The following PCLO variants were observed in gnomAD, a reference collection of about 807,000 sequenced individuals.
The protein encoded by PCLO is piccolo presynaptic cytomatrix protein.
In PCLO, 82 loss-of-function variants were observed where a neutral mutation model predicts 427.5. The observed-to-expected ratio is 0.19, with a 90% CI of 0.16 to 0.23. The LOEUF is 0.23. Among genes scored for constraint, PCLO ranks in the 10% least tolerant of loss-of-function variants. PCLO has a pLI of 1.00. For synonymous variants in PCLO, 2,357 were observed against 2,155.4 expected (o/e 1.09, Z -2.59); for missense variants, 6,239 against 6,115.9 (o/e 1.02, Z -0.67).
At chr7:82,810,877 T>C (rs17284668) in intron 20 of PCLO, among the ~76,000 whole-genome samples, 73,057 of 151,372 alleles carry the variant, frequency 0.48, 18,467 homozygotes, top group East Asian at 0.85. Flanking sequence ...GAGCACGGAT[T>C]AAATTGTAGA....
At chr7:83,025,964 T>C (rs1788483363) in intron 3 of PCLO, among the ~76,000 whole-genome samples, 3 of 151,670 alleles carry the variant, frequency 2.0e-5, no homozygotes, top group Middle Eastern at 3.4e-3. Flanking sequence ...GCGCTAAACA[T>C]GGAAAGGAAC....
chr7:83,125,519 A>G (rs1791416007), intron 3 of PCLO, among the ~76,000 whole-genome samples: 1 of 152,026 alleles, frequency 6.6e-6, no homozygotes, highest in South Asian at 2.1e-4. Flanking sequence ...GACATAGGAG[A>G]CTCCATTTTG....
intron 4 of PCLO, among the ~76,000 whole-genome samples, chr7:82,965,525 A>C (rs1795747033): frequency 6.6e-6 from 1 of 152,032 alleles, no homozygotes; most frequent in African/African-American, 2.4e-5. Context: ...ATTTTGATAG[A>C]TTATTTGATA....
At chr7:82,937,542 T>C (rs889233956) in intron 6 of PCLO, among the ~76,000 whole-genome samples, 2 of 151,790 alleles carry the variant, frequency 1.3e-5, no homozygotes, top group African/African-American at 4.8e-5. Context: ...ACTTCTCATC[T>C]GAGTAATTAT....
chr7:82,837,482 G>T (rs1048536730), intron 15 of PCLO, among the ~76,000 whole-genome samples: 1 of 152,004 alleles, frequency 6.6e-6, no homozygotes, highest in African/African-American at 2.4e-5. Context: ...TAATTTGGCT[G>T]ATATGAATTG....
chr7:83,057,325 T>C lies in PCLO; in HGVS notation c.3300+76925A>G, dbSNP rs1202372011. Among the ~76,000 whole-genome samples the C allele has an allele frequency of 5.1e-4, 6 of 11,756 alleles. 1 individual carries two copies. Among genetic ancestry groups the C allele is most frequent in the Admixed American group, 3.1e-3 (3 of 964 alleles). 7.7% of individuals were successfully genotyped at this position (11,756 alleles called of 152,430 possible). A position where few individuals can be genotyped will look rare whatever the true frequency, so the allele number is the denominator to read the frequency against. On this transcript the variant is annotated intron_variant, in intron 3 of 24. Transcript: ENST00000333891. ...AATAATCATTATATATACATATATA[T>C]ATATATATATATATATATATATATT...
chr7:83,031,969 AT>A (rs891212049), intron 3 of PCLO, among the ~76,000 whole-genome samples: 27 of 152,112 alleles, frequency 1.8e-4, no homozygotes, highest in African/African-American at 6.3e-4. Flanking sequence ...GCATTTTAGG[AT>A]TGCATTTGAT....
At chr7:83,145,635 G>A (rs2116652185) in intron 2 of PCLO, among the ~76,000 whole-genome samples, 1 of 152,178 alleles carries the variant, frequency 6.6e-6, no homozygotes, top group Admixed American at 6.5e-5. Flanking sequence ...CAATAATGAT[G>A]GTGCTATCCC....
At chr7:82,878,558 T>C (rs1314591228) in intron 10 of PCLO, among the ~76,000 whole-genome samples, 1 of 152,300 alleles carries the variant, frequency 6.6e-6, no homozygotes, top group Middle Eastern at 3.4e-3. Context: ...TACTATCTGA[T>C]TGACAATTGA....
In PCLO at chr7:83,134,370, A is replaced by G; in HGVS notation, c.3180T>C (p.Pro1060=). 6.2e-7 allele frequency: 1 copy of G among 1,613,650 alleles called. No homozygotes were observed. The highest frequency in any genetic ancestry group is 8.5e-7 in the Non-Finnish European group (1 of 1,179,784). The change falls in exon 3 of 25, where the codon CCT becomes CCC. Residue 1060 remains proline, a synonymous_variant. Transcript: ENST00000333891. ...EKSPKPESTC[P]LCKTELNIGS... Reference sequence around the variant, plus strand: ...CTATGTTGAGTTCAGTTTTGCAGAGAGGACAGGTTGATTCTGGTTTGGGCG... The same window carrying G: ...CTATGTTGAGTTCAGTTTTGCAGAGGGGACAGGTTGATTCTGGTTTGGGCG...
At chr7:82,945,153 A>T (rs1795172203) in intron 6 of PCLO, among the ~76,000 whole-genome samples, 1 of 152,152 alleles carries the variant, frequency 6.6e-6, no homozygotes, top group Non-Finnish European at 1.5e-5. Flanking sequence ...TGAAAGATTT[A>T]AGGAAACAGG....
rs535197261 is a variant in PCLO at position 82,956,225 on chromosome 7, C to A, written c.4728G>T (p.Glu1576Asp). The change falls in exon 5 of 25, where the codon GAG becomes GAT. Residue 1576 changes from glutamate to aspartate, a missense_variant. Physicochemically the swap from Glu to Asp is conservative, Grantham distance 45. Coordinates refer to ENST00000333891, the MANE Select transcript of PCLO (RefSeq NM_033026.6). Reference protein sequence around the residue: ...DEDASGSEDDEFIRNQLKEIS... With the variant: ...DEDASGSEDDDFIRNQLKEIS... The stretch of plus-strand genomic sequence containing the variant: ...TCTCTTTGAGCTGGTTTCTGATGAA[C>A]TCATCATCTTCAGAACCTGAAGCAT... 5 of 1,610,808 alleles carry A rather than the reference C, an allele frequency of 3.1e-6. No homozygotes were observed. Among genetic ancestry groups the A allele is most frequent in the Non-Finnish European group, 8.5e-7 (1 of 1,179,792 alleles).
At chr7:82,957,930 T>C (rs2115591132) in intron 4 of PCLO, among the ~76,000 whole-genome samples, 1 of 152,318 alleles carries the variant, frequency 6.6e-6, no homozygotes, top group Admixed American at 6.5e-5. Context: ...GACAACAATT[T>C]CGATTCAAGA....
Position 82,950,418 on chromosome 7 carries a change from G to C in PCLO, c.10170C>G (p.Ile3390Met). The C allele has an allele frequency of 1.2e-6, 2 of 1,613,664 alleles. No homozygotes were observed. Among genetic ancestry groups the C allele is most frequent in the Non-Finnish European group, 1.7e-6 (2 of 1,179,814 alleles). ...GAGGTATTTCTGAAACAGTGCTCAG[G>C]ATACCAGGTGGGGCAATGTACTGAG... ...GVTQYIAPPG[I>M]LSTVSEIPLT... The change falls in exon 6 of 25, where the codon ATC becomes ATG. Residue 3390 changes from isoleucine to methionine, a missense_variant. Coordinates refer to ENST00000333891, the MANE Select transcript of PCLO (RefSeq NM_033026.6).
chr7:82,800,442 A>G (rs981169669), intron 22 of PCLO, among the ~76,000 whole-genome samples: 24 of 152,138 alleles, frequency 1.6e-4, no homozygotes, highest in Admixed American at 1.5e-3. Context: ...TTCCTTTTAT[A>G]TAAAGCCAAT....
rs771316274 is a variant in PCLO, at chr7:82,966,511, A to G, written c.3301-24T>C. The G allele has an allele frequency of 1.5e-5, 21 of 1,418,152 alleles. No individual in the cohort carries two copies. The African/African-American group carries it at 2.0e-4, about 14-fold the overall frequency. The allele number at this position is 1,418,152 out of a possible 1,614,324, so 87.8% of individuals were successfully genotyped here. The stretch of plus-strand genomic sequence containing the variant: ...ATCTGTGGGAAAAAAATTACAATGA[A>G]CAGATTGAATGTATTATAATGTATC... On this transcript the variant is annotated intron_variant, in intron 3 of 24. Transcript: ENST00000333891.
intron 10 of PCLO, among the ~76,000 whole-genome samples, chr7:82,851,591 T>A (rs542064010): frequency 2.0e-5 from 3 of 151,788 alleles, no homozygotes; most frequent in African/African-American, 7.2e-5. Flanking sequence ...ATGAAAAAAA[T>A]GCAGGAGCAG....
chr7:82,910,546 A>C (rs1450612015), intron 7 of PCLO, among the ~76,000 whole-genome samples: 1 of 152,050 alleles, frequency 6.6e-6, no homozygotes, highest in African/African-American at 2.4e-5. Flanking sequence ...GGCAAAGCTT[A>C]TATTGTCTTT....
chr7:82,854,835 CA>C (rs1562820042), intron 10 of PCLO, among the ~76,000 whole-genome samples: 1 of 152,114 alleles, frequency 6.6e-6, no homozygotes, highest in Non-Finnish European at 1.5e-5. Flanking sequence ...CTTTCACTCT[CA>C]AATTTTGTGA....
Sources: gnomAD v4.1 joint callset for allele counts (sites outside exome capture counted in the v4.1 genomes callset) on GRCh38, gnomAD v4.1.1 for gene constraint, MANE v1.5 for transcripts, NCBI Gene and HGNC (gene_info 2026-07-23, HGNC 2026-07-21) for gene names.